The following CTNND2 variants were observed in gnomAD, a reference collection of about 807,000 sequenced individuals.
CTNND2 encodes the protein catenin delta-2.
A neutral mutation model predicts 144.4 loss-of-function variants in CTNND2; 22 were observed. The ratio of observed to expected loss-of-function variants is 0.15; its 90% CI spans 0.11 to 0.22. The LOEUF (loss-of-function observed/expected upper bound fraction) is 0.22, where lower values mean the gene tolerates loss of function less well. Ranked by LOEUF, CTNND2 falls within the 10% of genes least tolerant of loss-of-function variation. CTNND2 has a pLI of 1.00. For missense variants in CTNND2, 1,353 were observed against 1,618.8 expected (o/e 0.84, Z 2.82); for synonymous variants, 751 against 695.6 (o/e 1.08, Z -1.25).
At position 11,196,419 on chromosome 5, in the gene CTNND2, A is replaced by G. The variant is rs191242955; in HGVS notation, c.1975+3029T>C. On this transcript the variant is annotated intron_variant, in intron 11 of 21. Transcript: ENST00000304623. ...GATAATAGGTAGGAAAGTGATCAGA[A>G]AAAACTCCCCTGTACTGGTGGGGCT... 4.0e-3 allele frequency among the ~76,000 whole-genome samples: 603 copies of G among 152,318 alleles called. 7 individuals carry two copies. The highest frequency in any genetic ancestry group is 0.014 in the African/African-American group (580 of 41,558).
chr5:11,780,128 T>G (rs1790464826), intron 1 of CTNND2, among the ~76,000 whole-genome samples: 1 of 152,106 alleles, frequency 6.6e-6, no homozygotes, highest in Admixed American at 6.5e-5. Context: ...CAGACAGTAG[T>G]ACATTGAAGG....
intron 3 of CTNND2, among the ~76,000 whole-genome samples, chr5:11,524,505 G>T (rs895444969): frequency 6.6e-5 from 10 of 152,190 alleles, no homozygotes; most frequent in African/African-American, 2.2e-4. Context: ...GAGGCTGAGT[G>T]AGGACGCTCC....
intron 2 of CTNND2, among the ~76,000 whole-genome samples, chr5:11,719,975 T>C (rs1412860298): frequency 6.6e-6 from 1 of 152,166 alleles, no homozygotes; most frequent in South Asian, 2.1e-4. Flanking sequence ...TGCAAGGCAA[T>C]GGACGAAGCC....
chr5:11,348,522 T>G (rs1297297648), intron 8 of CTNND2, among the ~76,000 whole-genome samples: 2 of 151,118 alleles, frequency 1.3e-5, no homozygotes, highest in African/African-American at 4.9e-5. Flanking sequence ...TTCAGAAAAC[T>G]AAGTATCAAC....
At chr5:11,355,692 C>A (rs1390061024) in intron 8 of CTNND2, among the ~76,000 whole-genome samples, 1 of 151,970 alleles carries the variant, frequency 6.6e-6, no homozygotes, top group East Asian at 1.9e-4. Flanking sequence ...AGTGATTAGG[C>A]AAGAAACAAA....
chr5:11,415,104 G>A (rs1761838331), intron 3 of CTNND2, among the ~76,000 whole-genome samples: 2 of 152,184 alleles, frequency 1.3e-5, no homozygotes, highest in Admixed American at 1.3e-4. Context: ...ATATTCCTCT[G>A]TAATGGGATT....
At chr5:11,177,535 A>G (rs1024931277) in intron 11 of CTNND2, among the ~76,000 whole-genome samples, 4 of 152,178 alleles carry the variant, frequency 2.6e-5, no homozygotes, top group Admixed American at 2.6e-4. Flanking sequence ...TAATCAAAAT[A>G]TATGTATAAA....
intron 16 of CTNND2, among the ~76,000 whole-genome samples, chr5:11,074,905 T>C (rs953602016): frequency 3.9e-5 from 6 of 152,186 alleles, no homozygotes; most frequent in Admixed American, 1.3e-4. Flanking sequence ...TAAAACATTG[T>C]GGTAAGTAAA....
intron 1 of CTNND2, among the ~76,000 whole-genome samples, chr5:11,887,440 C>T (rs890853932): frequency 6.6e-6 from 1 of 151,818 alleles, no homozygotes; most frequent in African/African-American, 2.4e-5. Context: ...AGGACATAGT[C>T]TAACCCCACT....
rs923391837 is a variant in CTNND2 at position 11,517,128 on chromosome 5, C to T, written c.287+47816G>A. The stretch of plus-strand genomic sequence containing the variant: ...TTAACCATTGTGTTTATGTTCCACA[C>T]GTGATATGTGACGTACACACTGCTA... On this transcript the variant is annotated intron_variant, in intron 3 of 21. Coordinates refer to ENST00000304623, the MANE Select transcript of CTNND2 (RefSeq NM_001332.4). Among the ~76,000 whole-genome samples the T allele has an allele frequency of 1.4e-4, 22 of 152,136 alleles. 1 individual carries two copies. Among genetic ancestry groups the T allele is most frequent in the East Asian group, 5.8e-4 (3 of 5,190 alleles).
intron 7 of CTNND2, among the ~76,000 whole-genome samples, chr5:11,383,440 T>C (rs918453212): frequency 6.6e-6 from 1 of 152,196 alleles, no homozygotes; most frequent in African/African-American, 2.4e-5. Flanking sequence ...TAGGTACTCA[T>C]ACTGGGTTGG....
rs551532105 is a variant in CTNND2 at position 11,050,133 on chromosome 5, C to T, written c.2789-27154G>A. Among the ~76,000 whole-genome samples the T allele has an allele frequency of 3.9e-5, 6 of 152,276 alleles. No individual in the cohort carries two copies. The East Asian group carries it at 9.7e-4, about 25-fold the overall frequency. ...TTTTAACTGGATGCTCTTTCTTCTT[C>T]CCTTTCTACCAATTTCTGGTAGATT... On this transcript the variant is annotated intron_variant, in intron 16 of 21. Transcript: ENST00000304623.
intron 8 of CTNND2, 71 bp downstream of exon 8, chr5:11,364,625 G>T: frequency 8.0e-7 from 1 of 1,255,106 alleles, no homozygotes; most frequent in Non-Finnish European, 1.1e-6. Context: ...TCATTTGGGA[G>T]TGTTATTGAA....
intron 1 of CTNND2, among the ~76,000 whole-genome samples, chr5:11,845,936 C>G (rs1794715304): frequency 6.6e-6 from 1 of 152,028 alleles, no homozygotes; most frequent in Non-Finnish European, 1.5e-5. Context: ...AATGTAACCC[C>G]CGTGAGAAAG....
chr5:11,136,929 C>A (rs1408941589), intron 12 of CTNND2, among the ~76,000 whole-genome samples: 1 of 152,200 alleles, frequency 6.6e-6, no homozygotes, highest in East Asian at 1.9e-4. Flanking sequence ...AGGCTAAATT[C>A]ATTGGTTCTA....
At chr5:11,237,282 G>A (rs1366607306) in intron 9 of CTNND2, among the ~76,000 whole-genome samples, 1 of 151,722 alleles carries the variant, frequency 6.6e-6, no homozygotes, top group African/African-American at 2.4e-5. Context: ...GCCTCCCAAA[G>A]TGCTGGGATT....
At chr5:11,664,113 G>GA (rs2126579063) in intron 2 of CTNND2, among the ~76,000 whole-genome samples, 1 of 152,202 alleles carries the variant, frequency 6.6e-6, no homozygotes, top group South Asian at 2.1e-4. Context: ...AGCTGCTAAT[G>GA]AAAATGTTAT....
At chr5:11,234,554 C>T (rs995378792) in intron 10 of CTNND2, among the ~76,000 whole-genome samples, 1 of 152,202 alleles carries the variant, frequency 6.6e-6, no homozygotes, top group South Asian at 2.1e-4. Flanking sequence ...CACTGGAAGG[C>T]CTGTGTTCAC....
chr5:11,288,367 C>T (rs1747966608), intron 9 of CTNND2, among the ~76,000 whole-genome samples: 1 of 151,538 alleles, frequency 6.6e-6, no homozygotes, highest in Non-Finnish European at 1.5e-5. Context: ...GGAAAAACAA[C>T]TGCTAACTAA....
Sources: allele counts gnomAD v4.1 joint callset (sites outside exome capture counted in the v4.1 genomes callset), GRCh38; gene constraint gnomAD v4.1.1; transcripts MANE v1.5; gene names NCBI Gene and HGNC (gene_info 2026-07-23, HGNC 2026-07-21).